Variants in NPHS2 observed in about 807,000 individuals in gnomAD.
NPHS2 encodes podocin.
Under a neutral mutation model 37.1 loss-of-function variants are expected in NPHS2, and 36 were observed. The ratio of observed to expected loss-of-function variants is 0.97; its 90% confidence interval spans 0.74 to 1.28. NPHS2 has a LOEUF of 1.28. Among genes scored for constraint, NPHS2 ranks in the 50% most tolerant of loss-of-function variants. The pLI is 0.00. For synonymous variants in NPHS2, 196 were observed against 189.3 expected (o/e 1.04, Z -0.29); for missense variants, 447 against 488.1 (o/e 0.92, Z 0.79).
rs762145203 is a variant in NPHS2 at position 179,575,752 on chromosome 1, C to A, written c.113G>T (p.Arg38Leu). The change falls in exon 1 of 8, where the codon CGC becomes CTC. Residue 38 changes from arginine to leucine, a missense_variant. By Grantham distance (102) the Arg-to-Leu change is moderately radical. Coordinates refer to ENST00000367615, the MANE Select transcript of NPHS2 (RefSeq NM_014625.4). ...CGACGGCTCGGGCCCAGCCTCCTGGCGCCCGCGGCCTCCGCCGCTCCTCTC... is the reference window on the plus strand; with the variant it reads ...CGACGGCTCGGGCCCAGCCTCCTGGAGCCCGCGGCCTCCGCCGCTCCTCTC... ...KAERSGGGRG[R>L]QEAGPEPSGS... 4.7e-6 allele frequency: 7 copies of A among 1,495,816 alleles called. No homozygotes were observed. Among genetic ancestry groups the A allele is most frequent in the Admixed American group, 4.5e-5 (2 of 44,894 alleles). 92.7% of individuals were successfully genotyped at this position (1,495,816 alleles called of 1,614,324 possible). A position where few individuals can be genotyped will look rare whatever the true frequency, so the allele number is the denominator to read the frequency against.
At chr1:179,575,014 G>A (rs1373706238) in intron 1 of NPHS2, among the ~76,000 whole-genome samples, 1 of 152,170 alleles carries the variant, frequency 6.6e-6, no homozygotes, top group Non-Finnish European at 1.5e-5. Flanking sequence ...GGCAGGTACT[G>A]TTATAGGAGA....
Position 179,556,921 on chromosome 1 carries a change from C to A in NPHS2, c.738+106G>T. The A allele has an allele frequency of 9.2e-7, 1 of 1,088,938 alleles. No individual in the cohort carries two copies. Among genetic ancestry groups the A allele is most frequent in the Non-Finnish European group, 1.4e-6 (1 of 736,186 alleles). 67.5% of individuals were successfully genotyped at this position (1,088,938 alleles called of 1,614,324 possible). On this transcript the variant is annotated intron_variant, in intron 5 of 7. Transcript: ENST00000367615. The surrounding 1 kb of genome is among the most constrained non-coding windows in gnomAD (Gnocchi z 4.1). ...TAGCTATGAGCTCCCAAAGGGATGG[C>A]CCCTAAGGGATGGAACTGGCCATAG...
chr1:179,569,430 G>A (rs1293513157), intron 1 of NPHS2, among the ~76,000 whole-genome samples: 4 of 152,040 alleles, frequency 2.6e-5, no homozygotes, highest in Non-Finnish European at 4.4e-5. Context: ...TTGAGCCTAT[G>A]TGAATCTTTG....
intron 1 of NPHS2, among the ~76,000 whole-genome samples, chr1:179,573,842 A>T (rs1325827859): frequency 6.6e-6 from 1 of 152,210 alleles, no homozygotes; most frequent in Non-Finnish European, 1.5e-5. Context: ...CCCCCAAAAT[A>T]TTATTCTGTT....
Position 179,557,051 on chromosome 1 carries a change from C to A in NPHS2, c.714G>T (p.Arg238Ser), listed in dbSNP as rs748812981. 8.7e-6 allele frequency: 14 copies of A among 1,613,804 alleles called. No individual in the cohort carries two copies. Among genetic ancestry groups the A allele is most frequent in the African/African-American group, 1.3e-5 (1 of 74,918 alleles). ...HRSLTEILLE[R>S]KSIAQDAKVA... Reference sequence around the variant, plus strand: ...CCTTTGCATCTTGGGCGATGCTCTTCCTCTCTAGAAGAATTTCAGTGAGGG... The same window carrying A: ...CCTTTGCATCTTGGGCGATGCTCTTACTCTCTAGAAGAATTTCAGTGAGGG... The change falls in exon 5 of 8, where the codon AGG (arginine) becomes AGT (serine). Residue 238 changes from arginine to serine, a missense_variant. By Grantham distance (110) the Arg-to-Ser change is moderately radical. Coordinates refer to ENST00000367615, the MANE Select transcript of NPHS2 (RefSeq NM_014625.4).
Position 179,551,190 on chromosome 1 carries a change from C to T in NPHS2, c.1135G>A (p.Asp379Asn). 1 of 1,614,026 alleles carries T rather than the reference C, an allele frequency of 6.2e-7. No individual in the cohort carries two copies. The highest frequency in any genetic ancestry group is 8.5e-7 in the Non-Finnish European group (1 of 1,179,994). Reference protein sequence around the residue: ...PVEPLNPKKKDSPML With the variant: ...PVEPLNPKKKNSPML ...CATCCTTCCTATAACATGGGAGAGT[C>T]TTTCTTTTTAGGATTTAGTGGCTCA... The change falls in exon 8 of 8, where the codon GAC becomes AAC. Residue 379 changes from aspartate (D) to asparagine (N), a missense_variant. Coordinates refer to ENST00000367615, the MANE Select transcript of NPHS2 (RefSeq NM_014625.4).
At chr1:179,571,795 G>C (rs114613892) in intron 1 of NPHS2, among the ~76,000 whole-genome samples, 1,930 of 152,310 alleles carry the variant, frequency 0.013, 43 homozygotes, top group African/African-American at 0.045. Context: ...CACCCCCAGC[G>C]AGGCTGCGGC....
rs1391222087 is a variant in NPHS2, at chr1:179,557,168, A to G, written c.597T>C (p.Asn199=). Residue 199 remains asparagine, a synonymous_variant, in exon 5 of 8, where the codon AAT becomes AAC. Coordinates refer to ENST00000367615, the MANE Select transcript of NPHS2 (RefSeq NM_014625.4). The part of the protein sequence containing the change: ...IDAICYYRME[N]ASLLLSSLAH... ...CAAGACTGCTTAGGAGAAGAGAGGC[A>G]TTTTCCATTCGGTAGTAGCAAATGG... The G allele has an allele frequency of 1.9e-6, 3 of 1,614,080 alleles. No homozygotes were observed. The highest frequency in any genetic ancestry group is 1.6e-4 in the Middle Eastern group (1 of 6,062).
intron 5 of NPHS2, among the ~76,000 whole-genome samples, chr1:179,554,982 GAATGA>G (rs1190686597): frequency 6.6e-6 from 1 of 152,170 alleles, no homozygotes; most frequent in Non-Finnish European, 1.5e-5. Context: ...GCAGGAAATG[GAATGA>G]TGCACTCTAA....
At chr1:179,558,955 G>T (rs1185846433) in intron 4 of NPHS2, among the ~76,000 whole-genome samples, 1 of 152,108 alleles carries the variant, frequency 6.6e-6, no homozygotes, top group Non-Finnish European at 1.5e-5. Context: ...AGAAACTATA[G>T]AATGTGTATG....
In NPHS2 at chr1:179,557,105, G is replaced by A. The variant is rs765744362; in HGVS notation, c.660C>T (p.Thr220=). 1.2e-6 allele frequency: 2 copies of A among 1,613,968 alleles called. No individual in the cohort carries two copies. The highest frequency in any genetic ancestry group is 2.7e-5 in the African/African-American group (2 of 74,930). ...GATGTGCTAGGAGACGCTTCATAGTGGTTTGCACAAGGAATTGCACAGCTT... is the reference window on the plus strand; with the variant it reads ...GATGTGCTAGGAGACGCTTCATAGTAGTTTGCACAAGGAATTGCACAGCTT... ...VSKAVQFLVQ[T]TMKRLLAHRS... Residue 220 remains threonine (T), a synonymous_variant, in exon 5 of 8, where the codon ACC becomes ACT. Coordinates refer to ENST00000367615, the MANE Select transcript of NPHS2 (RefSeq NM_014625.4).
chr1:179,570,957 A>T lies in NPHS2; in HGVS notation c.274+4634T>A, dbSNP rs527382304. 3.3e-5 allele frequency among the ~76,000 whole-genome samples: 5 copies of T among 152,256 alleles called. No individual in the cohort carries two copies. The South Asian group carries it at 1.0e-3, about 32-fold the overall frequency. On this transcript the variant is annotated intron_variant, in intron 1 of 7. Coordinates refer to ENST00000367615, the MANE Select transcript of NPHS2 (RefSeq NM_014625.4). ...TCTATACTGTTTATTCTAGTTAGCC[A>T]TTCGTCTAATCTTTTTTAAAGGTTT... is the stretch of plus-strand genomic sequence containing the variant.
chr1:179,552,432 G>C (rs1673424113), intron 7 of NPHS2, 171 bp downstream of exon 7: 9 of 656,574 alleles, frequency 1.4e-5, no homozygotes, highest in Non-Finnish European at 8.4e-6. Flanking sequence ...AGTTGCATTA[G>C]TCAGGGGACT....
chr1:179,575,735 C>A lies in NPHS2; in HGVS notation c.130G>T (p.Glu44Ter), dbSNP rs759402903. Residue 44 changes from glutamate to a stop codon, truncating the protein, a stop_gained, in exon 1 of 8, where the codon GAG (glutamate) becomes TAG (stop). Coordinates refer to ENST00000367615, the MANE Select transcript of NPHS2 (RefSeq NM_014625.4). LOFTEE classifies it high-confidence loss of function. ...CCCGCCCGTCCGGAGCCCGACGGCT[C>A]GGGCCCAGCCTCCTGGCGCCCGCGG... ...GGRGRQEAGP[E>*]PSGSGRAGTP... The A allele has an allele frequency of 6.6e-7, 1 of 1,517,762 alleles. No individual in the cohort carries two copies. Among genetic ancestry groups the A allele is most frequent in the Admixed American group, 2.1e-5 (1 of 47,370 alleles). The allele number at this position is 1,517,762 out of a possible 1,614,324, so 94.0% of individuals were successfully genotyped here.
Position 179,561,379 on chromosome 1 carries a change from C to A in NPHS2, c.379-18G>T. 6.4e-7 allele frequency: 1 copy of A among 1,556,232 alleles called. No homozygotes were observed. On this transcript the variant is annotated intron_variant, in intron 2 of 7. Coordinates refer to ENST00000367615, the MANE Select transcript of NPHS2 (RefSeq NM_014625.4). ...TGTACAACCTAAAGAGAAATTTAAT[C>A]CTTTCAAATCACTCCCAGAAAGAAA... is the stretch of plus-strand genomic sequence containing the variant.
intron 1 of NPHS2, among the ~76,000 whole-genome samples, chr1:179,574,717 A>G (rs1205823696): frequency 6.6e-6 from 1 of 152,250 alleles, no homozygotes; most frequent in Non-Finnish European, 1.5e-5. Context: ...AGGAAGCAAT[A>G]TAACACACTA....
At chr1:179,568,947 TG>T (rs1331471250) in intron 1 of NPHS2, among the ~76,000 whole-genome samples, 3 of 152,226 alleles carry the variant, frequency 2.0e-5, no homozygotes, top group African/African-American at 7.2e-5. Context: ...CTTTTACATT[TG>T]CTGAGGAGTG....
chr1:179,552,081 C>G (rs1254817280), intron 7 of NPHS2: 1 of 169,008 alleles, frequency 5.9e-6, no homozygotes, highest in African/African-American at 2.4e-5. Context: ...GGCCCCCTCA[C>G]CCACACCTCA....
At chr1:179,568,963 A>G (rs1378661089) in intron 1 of NPHS2, among the ~76,000 whole-genome samples, 1 of 152,196 alleles carries the variant, frequency 6.6e-6, no homozygotes, top group Non-Finnish European at 1.5e-5. Context: ...GGAGTGCTTT[A>G]CTTCCAATTA....
Sources: allele counts gnomAD v4.1 joint callset (sites outside exome capture counted in the v4.1 genomes callset), GRCh38; gene constraint gnomAD v4.1.1; non-coding constraint Gnocchi (gnomAD v3.1); transcripts MANE v1.5; gene names NCBI Gene and HGNC (gene_info 2026-07-23, HGNC 2026-07-21).